VSX1: variants seen among roughly 807,000 people sequenced by gnomAD.
VSX1 encodes homeodomain protein RINX.
In VSX1, 23 loss-of-function variants were observed where a neutral mutation model predicts 23.6. The observed-to-expected ratio is 0.97, with a 90% CI of 0.70 to 1.38. VSX1 has a LOEUF of 1.38. VSX1 is among the 40% of genes most tolerant of loss of function. The pLI is 0.00. For missense variants in VSX1, 517 were observed against 495.4 expected (o/e 1.04, Z -0.41); for synonymous variants, 247 against 215.1 (o/e 1.15, Z -1.30).
At chr20:25,071,495 T>TC (rs2089377222), downstream of VSX1, 2 of 454,016 alleles carry the variant, frequency 4.4e-6, no homozygotes, top group Admixed American at 2.4e-5. Context: ...TTTTTTTTTT[T>TC]CTTCAAGGCA....
Position 25,076,212 on chromosome 20 carries a change from A to G in VSX1, c.*49T>C. The G allele has an allele frequency of 2.5e-6, 4 of 1,611,504 alleles. No homozygotes were observed. The highest frequency in any genetic ancestry group is 3.4e-6 in the Non-Finnish European group (4 of 1,179,034). On this transcript the variant is annotated 3_prime_UTR_variant, in exon 5 of 5. Transcript: ENST00000376709. ...CAATTTTTGTCTTTTGGAAAATGCCAGTGAGGAATATGCACATTTTCAGCC... is the reference window on the plus strand; with the variant it reads ...CAATTTTTGTCTTTTGGAAAATGCCGGTGAGGAATATGCACATTTTCAGCC...
At chr20:25,076,665 C>T in intron 4 of VSX1, 115 bp from the exon 5 acceptor site, 1 of 1,272,570 alleles carries the variant, frequency 7.9e-7, no homozygotes, top group South Asian at 1.5e-5. Context: ...CTTGTCAGTG[C>T]CTATCTCTGG....
rs1165243614 is a variant in VSX1, at chr20:25,076,225, C to A, written c.*36G>T. 1 of 1,613,052 alleles carries A rather than the reference C, an allele frequency of 6.2e-7. No individual in the cohort carries two copies. On this transcript the variant is annotated 3_prime_UTR_variant, in exon 5 of 5. Transcript: ENST00000376709. ...TTGGAAAATGCCAGTGAGGAATATG[C>A]ACATTTTCAGCCTTTGACAGTGGGA...
chr20:25,073,854 G>C (rs1274061038), downstream of VSX1, among the ~76,000 whole-genome samples: 1 of 152,178 alleles, frequency 6.6e-6, no homozygotes, highest in Admixed American at 6.5e-5. Flanking sequence ...ACAGGACAGC[G>C]GTGGTCCTCT....
At chr20:25,079,372 G>A (rs2122888187) in intron 2 of VSX1, 64 bp downstream of exon 2, 2 of 1,486,952 alleles carry the variant, frequency 1.3e-6, no homozygotes, top group Non-Finnish European at 1.8e-6. Flanking sequence ...TCAGATGCAG[G>A]TGCCATAAAC....
intron 1 of VSX1, 120 bp downstream of exon 1, chr20:25,081,553 G>T (rs977122513): frequency 6.8e-7 from 1 of 1,464,412 alleles, no homozygotes; most frequent in Non-Finnish European, 9.4e-7. Flanking sequence ...CTCGCTCTGG[G>T]CTCCCCGCCT....
chr20:25,081,229 AATC>A (rs61030549), intron 1 of VSX1, among the ~76,000 whole-genome samples: 33,281 of 152,030 alleles, frequency 0.22, 3,904 homozygotes, highest in Admixed American at 0.31. Context: ...AGGACCCGTC[AATC>A]ATTCGATCAT....
Position 25,076,393 on chromosome 20 carries a change from T to C in VSX1, c.966A>G (p.Glu322=), listed in dbSNP as rs1305995191. 13 of 1,613,992 alleles carry C rather than the reference T, an allele frequency of 8.1e-6. No individual in the cohort carries two copies. The highest frequency in any genetic ancestry group is 2.7e-5 in the African/African-American group (2 of 74,902). The change falls in exon 5 of 5, where the codon GAA becomes GAG. Residue 322 remains glutamate, a synonymous_variant. Transcript: ENST00000376709. ...SDKVSPENGL[E]DVAIDLSSSA... Reference sequence around the variant, plus strand: ...AGCTGGAGAGGTCAATAGCCACATCTTCCAAGCCATTCTCAGGGCTCACTT... The same window carrying C: ...AGCTGGAGAGGTCAATAGCCACATCCTCCAAGCCATTCTCAGGGCTCACTT...
chr20:25,078,525 G>T, intron 3 of VSX1: 1 of 1,330,150 alleles, frequency 7.5e-7, no homozygotes, highest in Non-Finnish European at 9.6e-7. Context: ...TTCTTTCAGG[G>T]TTTGAGATGG....
Position 25,079,629 on chromosome 20 carries a change from G to C in VSX1, c.425-115C>G, listed in dbSNP as rs139696205. The C allele has an allele frequency of 2.9e-4, 315 of 1,072,940 alleles. 6 individuals are homozygous for C. The East Asian group carries it at 8.2e-3, about 28-fold the overall frequency. 66.5% of individuals were successfully genotyped at this position (1,072,940 alleles called of 1,614,324 possible). On this transcript the variant is annotated intron_variant, in intron 1 of 4. Coordinates refer to ENST00000376709, the MANE Select transcript of VSX1 (RefSeq NM_014588.6). ...CTCTTGGGTACTTAAGTAGTTTACAGTATGAGCCAGCATTTTTAGTGCCTA... is the reference window on the plus strand; with the variant it reads ...CTCTTGGGTACTTAAGTAGTTTACACTATGAGCCAGCATTTTTAGTGCCTA...
rs371824107 is a variant in VSX1 at position 25,080,379 on chromosome 20, A to T, written c.425-865T>A. ...TGTCCAACCTGATGAGACATGAGAC[A>T]CATAAGGTTATTAAGCACATGAAAT... On this transcript the variant is annotated intron_variant, in intron 1 of 4. Transcript: ENST00000376709. Among the ~76,000 whole-genome samples, 5 of 152,388 alleles carry T rather than the reference A, an allele frequency of 3.3e-5. No individual in the cohort carries two copies. The East Asian group carries it at 9.6e-4, about 29-fold the overall frequency.
chr20:25,071,382 G>A (rs1258991456), downstream of VSX1: 2 of 453,958 alleles, frequency 4.4e-6, no homozygotes, highest in Admixed American at 4.7e-5. Flanking sequence ...TGAGGTGGGA[G>A]GATCACTTCA....
chr20:25,072,646 G>T (rs781137163), downstream of VSX1: 1 of 471,002 alleles, frequency 2.1e-6, no homozygotes, highest in African/African-American at 2.0e-5. Context: ...CTCACCCTCT[G>T]AGAATGCAAA....
Position 25,076,025 on chromosome 20 carries a change from T to G in VSX1, c.*236A>C. The G allele has an allele frequency of 1.7e-6, 1 of 585,890 alleles. No individual in the cohort carries two copies. Among genetic ancestry groups the G allele is most frequent in the Non-Finnish European group, 3.0e-6 (1 of 333,470 alleles). 36.3% of individuals were successfully genotyped at this position (585,890 alleles called of 1,614,324 possible). Reference sequence around the variant, plus strand: ...AGCTACAAAAGAGAATCAAAAGTTTTGCACCAAGTTAACTGGTTAAAGTGC... The same window carrying G: ...AGCTACAAAAGAGAATCAAAAGTTTGGCACCAAGTTAACTGGTTAAAGTGC... On this transcript the variant is annotated 3_prime_UTR_variant, in exon 5 of 5. Coordinates refer to ENST00000376709, the MANE Select transcript of VSX1 (RefSeq NM_014588.6).
intron 2 of VSX1, 77 bp from the exon 3 acceptor site, chr20:25,079,029 T>C: frequency 6.3e-7 from 1 of 1,581,354 alleles, no homozygotes; most frequent in East Asian, 2.2e-5. Flanking sequence ...AGGACCACCG[T>C]GCCTGCTTCC....
chr20:25,072,882 T>C (rs1184730817), downstream of VSX1, among the ~76,000 whole-genome samples: 1 of 152,230 alleles, frequency 6.6e-6, no homozygotes, highest in African/African-American at 2.4e-5. Context: ...TAAGAATGTT[T>C]CCAAATTCGC....
chr20:25,081,753 T>C lies in VSX1; in HGVS notation c.344A>G (p.Glu115Gly). The change falls in exon 1 of 5, where the codon GAG becomes GGG. Residue 115 changes from glutamate (E) to glycine (G), a missense_variant. Transcript: ENST00000376709. Reference sequence around the variant, plus strand: ...GCTGGGAGCCAGCGGGGCAGCGGGCTCGGGGCCCCTGGGCGGCAGGAACGG... The same window carrying C: ...GCTGGGAGCCAGCGGGGCAGCGGGCCCGGGGCCCCTGGGCGGCAGGAACGG... ...DVPFLPPRGP[E>G]PAAPLAPSRP... 1.3e-6 allele frequency: 2 copies of C among 1,500,032 alleles called. No homozygotes were observed. The highest frequency in any genetic ancestry group is 1.8e-6 in the Non-Finnish European group (2 of 1,132,756). The allele number at this position is 1,500,032 out of a possible 1,614,324, so 92.9% of individuals were successfully genotyped here.
At chr20:25,077,905 A>G (rs763725294) in intron 3 of VSX1, 40 bp from the exon 4 acceptor site, 3 of 1,549,526 alleles carry the variant, frequency 1.9e-6, no homozygotes, top group African/African-American at 2.7e-5. Flanking sequence ...CACAGAAGAG[A>G]CAGTGAAGAG....
rs2089591368 is a variant in VSX1, at chr20:25,079,450, C to A, written c.489G>T (p.Lys163Asn). 1 of 1,612,488 alleles carries A rather than the reference C, an allele frequency of 6.2e-7. No individual in the cohort carries two copies. The highest frequency in any genetic ancestry group is 1.7e-5 in the Admixed American group (1 of 59,938). The change falls in exon 2 of 5, where the codon AAG (lysine) becomes AAT (asparagine). Residue 163 changes from lysine (K) to asparagine (N), a missense_variant. Physicochemically the swap from Lys to Asn is moderately conservative, Grantham distance 94. Transcript: ENST00000376709. ...TGGCCCTATACCTGTGCCGCCGCTT[C>A]TTCCTCTTGCCCAAGGTGGGGGATG... ...LKASPTLGKR[K>N]KRRHRTVFTA... is the part of the protein sequence containing the mutation.
Sources: allele counts gnomAD v4.1 joint callset (sites outside exome capture counted in the v4.1 genomes callset), GRCh38; gene constraint gnomAD v4.1.1; transcripts MANE v1.5; gene names NCBI Gene and HGNC (gene_info 2026-07-23, HGNC 2026-07-21).